The following UGT1A3 variants were observed in gnomAD, a reference collection of about 807,000 sequenced individuals.
UGT1A3 encodes UDP glucuronosyltransferase family 1 member A3.
Under a neutral mutation model 41.0 loss-of-function variants are expected in UGT1A3, and 31 were observed. That is an observed-to-expected ratio of 0.76 (90% CI 0.57 to 1.02). The LOEUF is 1.02. UGT1A3 is among the 50% of genes least tolerant of loss of function. UGT1A3 has a pLI of 0.00. For missense variants in UGT1A3, 737 were observed against 671.0 expected (o/e 1.10, Z -1.09); for synonymous variants, 262 against 257.6 (o/e 1.02, Z -0.17).
intron 1 of UGT1A3, among the ~76,000 whole-genome samples, chr2:233,758,268 G>A (rs1000936353): frequency 2.6e-5 from 4 of 152,178 alleles, no homozygotes; most frequent in Non-Finnish European, 5.9e-5. Flanking sequence ...AGTATTTCTT[G>A]GTCAAGGGCA....
chr2:233,739,455 G>C (rs1296247158), intron 1 of UGT1A3, among the ~76,000 whole-genome samples: 14 of 152,240 alleles, frequency 9.2e-5, no homozygotes, highest in Admixed American at 9.2e-4. Flanking sequence ...CCACAGGGTT[G>C]GAGCTGCCTG....
At chr2:233,754,727 A>G (rs1302985186) in intron 1 of UGT1A3, 1 of 608,774 alleles carries the variant, frequency 1.6e-6, no homozygotes, top group Non-Finnish European at 2.8e-6. Context: ...CTGTCCCATC[A>G]CTACCGTAGG....
intron 1 of UGT1A3, among the ~76,000 whole-genome samples, chr2:233,735,030 C>T (rs1056371330): frequency 3.9e-5 from 6 of 152,186 alleles, no homozygotes; most frequent in African/African-American, 1.2e-4. Context: ...TCTATTAGGT[C>T]TGCTTGGTGC....
intron 1 of UGT1A3, chr2:233,743,969 G>T: frequency 1.5e-6 from 2 of 1,324,976 alleles, no homozygotes; most frequent in Admixed American, 2.1e-5. Flanking sequence ...CGGCAAGGCT[G>T]CCAGCACCCA....
At position 233,767,856 on chromosome 2, in the gene UGT1A3, G is replaced by A; in HGVS notation, c.1007G>A (p.Trp336Ter). 1 of 1,614,108 alleles carries A rather than the reference G, an allele frequency of 6.2e-7. No homozygotes were observed. Among genetic ancestry groups the A allele is most frequent in the Admixed American group, 1.7e-5 (1 of 60,022 alleles). The change falls in exon 3 of 5, where the codon TGG becomes TAG. Residue 336 changes from tryptophan (W) to a stop codon, truncating the protein, a stop_gained. Transcript: ENST00000482026. LOFTEE classifies it high-confidence loss of function. ...TCTTTTTGCCCCTCCCAGGTCCTGT[G>A]GCGGTACACTGGAACCCGACCATCG... Reference protein sequence around the residue: ...ALGKIPQTVLWRYTGTRPSNL... With the variant: ...ALGKIPQTVL
At chr2:233,744,603 G>A (rs894598694) in intron 1 of UGT1A3, among the ~76,000 whole-genome samples, 6 of 151,902 alleles carry the variant, frequency 3.9e-5, no homozygotes, top group African/African-American at 9.7e-5. Context: ...TCTCTCTTTA[G>A]TACTTGGCTC....
At chr2:233,761,017 G>A (rs1188733606) in intron 1 of UGT1A3, 1 of 1,614,178 alleles carries the variant, frequency 6.2e-7, no homozygotes, top group Non-Finnish European at 8.5e-7. Flanking sequence ...AGAGGTGACT[G>A]TCCAGGACCT....
At chr2:233,743,262 C>T (rs764022501) in intron 1 of UGT1A3, 18 of 451,920 alleles carry the variant, frequency 4.0e-5, no homozygotes, top group Non-Finnish European at 7.5e-5. Context: ...CTCCATCTTC[C>T]TCCACTTCCA....
chr2:233,760,880 C>T, intron 1 of UGT1A3: 2 of 1,614,166 alleles, frequency 1.2e-6, no homozygotes, highest in Non-Finnish European at 1.7e-6. Context: ...AGGCCTCTCT[C>T]CTCTCATTCA....
rs752170717 is a variant in UGT1A3 at position 233,729,228 on chromosome 2, G to C, written c.102G>C (p.Val34=). The C allele has an allele frequency of 1.1e-5, 18 of 1,614,046 alleles. No individual in the cohort carries two copies. Among genetic ancestry groups the C allele is most frequent in the Non-Finnish European group, 1.5e-5 (18 of 1,180,012 alleles). Residue 34 remains valine (V), a synonymous_variant, in exon 1 of 5, where the codon GTG becomes GTC. Transcript: ENST00000482026. The stretch of plus-strand genomic sequence containing the variant: ...CTGAGAGTGGAAAGGTGTTGGTGGT[G>C]CCCATTGATGGCAGCCACTGGCTCA... ...PWAESGKVLV[V]PIDGSHWLSM...
rs944013638 is a variant in UGT1A3, at chr2:233,769,033, G to A, written c.1307+594G>A. 3.3e-5 allele frequency among the ~76,000 whole-genome samples: 5 copies of A among 152,006 alleles called. No individual in the cohort carries two copies. Among genetic ancestry groups the A allele is most frequent in the Admixed American group, 3.3e-4 (5 of 15,274 alleles). ...ATTTACATAAAAAGTTGCCATAATA[G>A]ACATCTGATCCATAAGTTTCCTGCA... On this transcript the variant is annotated intron_variant, in intron 4 of 4. Coordinates refer to ENST00000482026, the MANE Select transcript of UGT1A3 (RefSeq NM_019093.4). This position sits in a 1 kb window ranked among gnomAD's most constrained non-coding sequence, Gnocchi z 4.4.
At chr2:233,734,881 G>T (rs1413647330) in intron 1 of UGT1A3, among the ~76,000 whole-genome samples, 2 of 152,202 alleles carry the variant, frequency 1.3e-5, no homozygotes, top group Non-Finnish European at 2.9e-5. Flanking sequence ...CTGAGAGACA[G>T]TTTGTTGTGA....
intron 1 of UGT1A3, among the ~76,000 whole-genome samples, chr2:233,758,134 G>A (rs1262322592): frequency 6.6e-6 from 1 of 152,212 alleles, no homozygotes; most frequent in Non-Finnish European, 1.5e-5. Context: ...ATATTTGGCA[G>A]ATGAGGGAAT....
At chr2:233,755,480 A>T (rs574050472) in intron 1 of UGT1A3, 1 of 211,322 alleles carries the variant, frequency 4.7e-6, no homozygotes, top group Non-Finnish European at 9.7e-6. Flanking sequence ...AGGCTCTGTG[A>T]GGCCCTGTGA....
intron 1 of UGT1A3, among the ~76,000 whole-genome samples, chr2:233,757,461 C>T (rs181439880): frequency 5.8e-4 from 87 of 149,574 alleles, no homozygotes; most frequent in Non-Finnish European, 1.2e-3. Context: ...GTCCAGAGCG[C>T]TTACTGTCTC....
chr2:233,767,701 T>A, intron 2 of UGT1A3, 148 bp from the exon 3 acceptor site: 2 of 1,506,270 alleles, frequency 1.3e-6, no homozygotes, highest in Admixed American at 2.1e-5. Flanking sequence ...AAGTTGCCAG[T>A]CCTCAGAAGC....
intron 1 of UGT1A3, among the ~76,000 whole-genome samples, chr2:233,766,011 CCTT>C (rs1699028411): frequency 6.6e-6 from 1 of 152,070 alleles, no homozygotes; most frequent in Non-Finnish European, 1.5e-5. Flanking sequence ...TGGGTTATGG[CCTT>C]CTTTTAGTTT....
intron 1 of UGT1A3, among the ~76,000 whole-genome samples, chr2:233,752,104 T>G (rs2125914328): frequency 6.6e-6 from 1 of 152,238 alleles, no homozygotes; most frequent in East Asian, 1.9e-4. Flanking sequence ...GAAAGTAGAA[T>G]CAGAGGAGAA....
At chr2:233,760,188 C>T (rs1697341455) in intron 1 of UGT1A3, 3 of 1,563,658 alleles carry the variant, frequency 1.9e-6, no homozygotes, top group East Asian at 2.3e-5. Flanking sequence ...TTTATAGTCA[C>T]GTGACACAGT....
Sources: allele counts gnomAD v4.1 joint callset (sites outside exome capture counted in the v4.1 genomes callset), GRCh38; gene constraint gnomAD v4.1.1; non-coding constraint Gnocchi (gnomAD v3.1); transcripts MANE v1.5; gene names NCBI Gene and HGNC (gene_info 2026-07-23, HGNC 2026-07-21).